BMAL2: variants seen among roughly 807,000 people sequenced by gnomAD.
BMAL2 encodes the protein basic helix-loop-helix ARNT-like protein 2.
chr12:27,367,765 C>CTA, the BMAL2 span, among the ~76,000 whole-genome samples: 7 of 150,348 alleles, frequency 4.7e-5, no homozygotes, highest in South Asian at 4.2e-4. Flanking sequence ...TAAAATGTGT[C>CTA]TATATATATA....
At chr12:27,334,258 C>G in the BMAL2 span, among the ~76,000 whole-genome samples, 1 of 152,304 alleles carries the variant, frequency 6.6e-6, no homozygotes, top group South Asian at 2.1e-4. Context: ...TGTGACTGAG[C>G]TCTGCCCTTT....
the BMAL2 span, among the ~76,000 whole-genome samples, chr12:27,360,051 TA>T: frequency 4.0e-3 from 465 of 115,240 alleles, 3 homozygotes; most frequent in East Asian, 0.033. Context: ...AGACCCTATT[TA>T]AAAAAAAAAA....
At chr12:27,424,916 G>C in the BMAL2 span, 1 of 152,220 alleles carries the variant, frequency 6.6e-6, no homozygotes, top group Non-Finnish European at 1.5e-5. Flanking sequence ...AAGTCAGCCT[G>C]TCTGGTGTGA....
chr12:27,341,148 G>C, the BMAL2 span, among the ~76,000 whole-genome samples: 1 of 113,400 alleles, frequency 8.8e-6, no homozygotes, highest in South Asian at 2.5e-4. Flanking sequence ...ACTATGTTGA[G>C]TAAGAGTGGT....
At chr12:27,372,994 C>T in the BMAL2 span, among the ~76,000 whole-genome samples, 3 of 152,074 alleles carry the variant, frequency 2.0e-5, no homozygotes, top group Non-Finnish European at 4.4e-5. Context: ...TTTTCAATTG[C>T]TTGATTATAG....
the BMAL2 span, among the ~76,000 whole-genome samples, chr12:27,396,661 G>T: frequency 6.6e-6 from 1 of 152,212 alleles, no homozygotes; most frequent in Middle Eastern, 3.2e-3. Context: ...GCCAAGCTGG[G>T]CCACACAGAT....
the BMAL2 span, among the ~76,000 whole-genome samples, chr12:27,341,048 T>C: frequency 6.6e-6 from 1 of 152,190 alleles, no homozygotes; most frequent in East Asian, 1.9e-4. Context: ...TCATGTCATC[T>C]GCAAAAAGGG....
At chr12:27,375,443 G>A in the BMAL2 span, among the ~76,000 whole-genome samples, 1 of 152,126 alleles carries the variant, frequency 6.6e-6, no homozygotes, top group Admixed American at 6.6e-5. Context: ...AAATGAATAA[G>A]ACAAGACATG....
the BMAL2 span, among the ~76,000 whole-genome samples, chr12:27,352,754 CAAAATAAA>C: frequency 6.6e-6 from 1 of 152,116 alleles, no homozygotes; most frequent in East Asian, 1.9e-4. Flanking sequence ...TTTCAGGATA[CAAAATAAA>C]TGTACAAAAG....
the BMAL2 span, chr12:27,394,711 C>G: frequency 6.6e-6 from 1 of 152,136 alleles, no homozygotes; most frequent in Non-Finnish European, 1.5e-5. Context: ...CCCCAGAATT[C>G]GTATGTTGAT....
the BMAL2 span, among the ~76,000 whole-genome samples, chr12:27,382,185 CA>C: frequency 4.6e-5 from 7 of 152,312 alleles, no homozygotes; most frequent in South Asian, 1.4e-3. Flanking sequence ...TGAAAATTTA[CA>C]GGCTCAACTG....
chr12:27,414,487 C>T, the BMAL2 span, among the ~76,000 whole-genome samples: 3 of 152,144 alleles, frequency 2.0e-5, no homozygotes, highest in South Asian at 4.2e-4. Flanking sequence ...AACTAGAAGT[C>T]AGTAACAAGA....
chr12:27,412,524 T>G, the BMAL2 span, among the ~76,000 whole-genome samples: 5 of 152,060 alleles, frequency 3.3e-5, no homozygotes, highest in Non-Finnish European at 5.9e-5. Context: ...CAGTTAGTGA[T>G]TTTAAAACAT....
the BMAL2 span, among the ~76,000 whole-genome samples, chr12:27,347,149 T>C: frequency 1.3e-5 from 2 of 152,202 alleles, no homozygotes; most frequent in Non-Finnish European, 2.9e-5. Context: ...TATTCTGTTA[T>C]AGCAACACTA....
the BMAL2 span, among the ~76,000 whole-genome samples, chr12:27,337,379 T>C: frequency 1.3e-5 from 2 of 152,056 alleles, no homozygotes; most frequent in East Asian, 1.9e-4. Context: ...ACAGGGAAAG[T>C]AGAGAATCAT....
chr12:27,389,215 C>A, the BMAL2 span: 1 of 1,612,596 alleles, frequency 6.2e-7, no homozygotes, highest in Non-Finnish European at 8.5e-7. Context: ...TGACTTCTTA[C>A]ATCCAAAAGA....
chr12:27,366,985 A>T, the BMAL2 span, among the ~76,000 whole-genome samples: 1 of 152,230 alleles, frequency 6.6e-6, no homozygotes, highest in Non-Finnish European at 1.5e-5. Context: ...TCCCCAGTGG[A>T]TGCCTGAAAC....
chr12:27,343,422 A>G, the BMAL2 span, among the ~76,000 whole-genome samples: 2 of 152,188 alleles, frequency 1.3e-5, no homozygotes, highest in Non-Finnish European at 2.9e-5. Flanking sequence ...GTCGGGAATC[A>G]TGTATCTTTT....
the BMAL2 span, among the ~76,000 whole-genome samples, chr12:27,376,854 G>T: frequency 6.6e-6 from 1 of 151,864 alleles, no homozygotes; most frequent in African/African-American, 2.4e-5. Context: ...CAAAAAATTA[G>T]CCGGGCGTGG....
Sources: gnomAD v4.1 joint callset for allele counts (sites outside exome capture counted in the v4.1 genomes callset) on GRCh38, gnomAD v4.1.1 for gene constraint, MANE v1.5 for transcripts, NCBI Gene and HGNC (gene_info 2026-07-23, HGNC 2026-07-21) for gene names.